SERPINB10: variants seen among roughly 807,000 people sequenced by gnomAD.
The protein encoded by SERPINB10 is serpin B10.
SERPINB10 carries 35 observed loss-of-function variants against 39.1 expected under a neutral mutation model. The ratio of observed to expected loss-of-function variants is 0.90; its 90% CI spans 0.68 to 1.19. SERPINB10 has a LOEUF of 1.19. SERPINB10 is among the 50% of genes most tolerant of loss of function. SERPINB10 has a pLI of 0.00. For synonymous variants in SERPINB10, 190 were observed against 158.1 expected (o/e 1.20, Z -1.52); for missense variants, 546 against 460.5 (o/e 1.19, Z -1.70).
chr18:63,925,303 G>A (rs898562207), intron 5 of SERPINB10, among the ~76,000 whole-genome samples: 2 of 151,922 alleles, frequency 1.3e-5, no homozygotes, highest in Non-Finnish European at 2.9e-5. Flanking sequence ...TTTGCTGAGA[G>A]GATCTGGAAG....
Position 63,929,274 on chromosome 18 carries a change from T to G in SERPINB10, c.491-771T>G, listed in dbSNP as rs191847832. On this transcript the variant is annotated intron_variant, in intron 5 of 7. Coordinates refer to ENST00000238508, the MANE Select transcript of SERPINB10 (RefSeq NM_005024.3). ...CATATGAATTAATTTTCAAGAGTAT[T>G]TATTTTATTTTTTTGTTAGAAATTT... is the stretch of plus-strand genomic sequence containing the variant. Among the ~76,000 whole-genome samples the G allele has an allele frequency of 7.4e-3, 1,125 of 152,302 alleles. 9 individuals carry two copies. Among genetic ancestry groups the G allele is most frequent in the African/African-American group, 0.025 (1,034 of 41,570 alleles).
At chr18:63,929,915 C>T (rs946005896) in intron 5 of SERPINB10, 130 bp from the exon 6 acceptor site, 44 of 891,916 alleles carry the variant, frequency 4.9e-5, no homozygotes, top group Non-Finnish European at 5.9e-5. Context: ...TTGTCCATTT[C>T]CAGAAAATCA....
chr18:63,919,230 G>A (rs1481327995), intron 4 of SERPINB10, among the ~76,000 whole-genome samples: 1 of 124,930 alleles, frequency 8.0e-6, no homozygotes, highest in Non-Finnish European at 1.6e-5. Flanking sequence ...AGGAGGTGAA[G>A]GCCTCATTTT....
intron 5 of SERPINB10, among the ~76,000 whole-genome samples, chr18:63,926,570 C>T (rs1483799646): frequency 6.6e-6 from 1 of 151,994 alleles, no homozygotes; most frequent in Non-Finnish European, 1.5e-5. Context: ...GATTAAACAT[C>T]AGACAAACCT....
intron 1 of SERPINB10, among the ~76,000 whole-genome samples, chr18:63,910,139 A>C (rs1009026302): frequency 1.3e-5 from 2 of 152,084 alleles, no homozygotes; most frequent in South Asian, 2.1e-4. Flanking sequence ...TGCCTCTCTC[A>C]TGATTAAGTT....
At chr18:63,923,074 C>T (rs2050157546) in intron 5 of SERPINB10, among the ~76,000 whole-genome samples, 2 of 151,860 alleles carry the variant, frequency 1.3e-5, no homozygotes, top group African/African-American at 2.4e-5. Context: ...TGTTATCATA[C>T]CACTGGTCAA....
intron 5 of SERPINB10, among the ~76,000 whole-genome samples, chr18:63,921,116 T>C (rs932292845): frequency 1.3e-5 from 2 of 151,998 alleles, no homozygotes; most frequent in Non-Finnish European, 1.5e-5. Context: ...TTATATCTTA[T>C]GAAGAAATAC....
chr18:63,917,689 G>T (rs2050114103), intron 3 of SERPINB10, among the ~76,000 whole-genome samples, 168 bp downstream of exon 3: 1 of 151,902 alleles, frequency 6.6e-6, no homozygotes, highest in South Asian at 2.1e-4. Context: ...CCTTTTGAAA[G>T]ATCTCTTGTC....
intron 1 of SERPINB10, among the ~76,000 whole-genome samples, chr18:63,908,881 A>G (rs2050044398): frequency 6.6e-6 from 1 of 151,982 alleles, no homozygotes; most frequent in Non-Finnish European, 1.5e-5. Context: ...CCATCATGTA[A>G]TCTCTCTCTT....
At chr18:63,926,729 G>T (rs949729548) in intron 5 of SERPINB10, among the ~76,000 whole-genome samples, 4 of 151,990 alleles carry the variant, frequency 2.6e-5, no homozygotes, top group Admixed American at 6.6e-5. Context: ...GCAAGGTCTT[G>T]TATTGATTTC....
At chr18:63,918,230 A>C (rs1449837022) in intron 4 of SERPINB10, 128 bp downstream of exon 4, 6 of 900,592 alleles carry the variant, frequency 6.7e-6, no homozygotes, top group Non-Finnish European at 1.0e-5. Context: ...CCCTGCAAAC[A>C]ATCAATTAGA....
chr18:63,914,480 G>A (rs1053303895), intron 1 of SERPINB10, among the ~76,000 whole-genome samples: 4 of 152,004 alleles, frequency 2.6e-5, no homozygotes, highest in Non-Finnish European at 4.4e-5. Flanking sequence ...TGGTTAAATC[G>A]TTTAACTTAT....
intron 5 of SERPINB10, among the ~76,000 whole-genome samples, 160 bp from the exon 6 acceptor site, chr18:63,929,885 A>C (rs779056215): frequency 6.6e-6 from 1 of 152,138 alleles, no homozygotes; most frequent in Non-Finnish European, 1.5e-5. Flanking sequence ...CACAGCAGCT[A>C]TTCTGGACAG....
intron 3 of SERPINB10, 65 bp downstream of exon 3, chr18:63,917,586 T>C (rs866003332): frequency 1.1e-6 from 1 of 939,864 alleles, no homozygotes; most frequent in Non-Finnish European, 1.5e-6. Context: ...ACATGTATTT[T>C]AGTGATAACT....
chr18:63,909,553 T>A (rs1484822203), intron 1 of SERPINB10, among the ~76,000 whole-genome samples: 1 of 152,058 alleles, frequency 6.6e-6, no homozygotes, highest in Non-Finnish European at 1.5e-5. Context: ...CAACTAAATA[T>A]TAAGCTTACA....
At chr18:63,934,779 C>T (rs1241231649) in intron 7 of SERPINB10, 59 bp from the exon 8 acceptor site, 3 of 1,531,564 alleles carry the variant, frequency 2.0e-6, no homozygotes, top group African/African-American at 2.8e-5. Flanking sequence ...CTCTCTACTA[C>T]TGTTTTTCAT....
chr18:63,922,064 A>G (rs1022959272), intron 5 of SERPINB10, among the ~76,000 whole-genome samples: 4 of 151,888 alleles, frequency 2.6e-5, no homozygotes, highest in African/African-American at 7.3e-5. Context: ...CTGCTTATAC[A>G]TCTATGTCCC....
chr18:63,913,402 G>A (rs375836746), intron 1 of SERPINB10, among the ~76,000 whole-genome samples: 7 of 152,020 alleles, frequency 4.6e-5, no homozygotes, highest in Admixed American at 1.3e-4. Flanking sequence ...ACTTTTTAAG[G>A]TAGGCATTTA....
At chr18:63,924,463 C>T (rs535649787) in intron 5 of SERPINB10, among the ~76,000 whole-genome samples, 2 of 152,002 alleles carry the variant, frequency 1.3e-5, no homozygotes, top group Admixed American at 6.6e-5. Context: ...GACTCTCAAT[C>T]GTGGCAACAT....
Sources: gnomAD v4.1 joint callset for allele counts (sites outside exome capture counted in the v4.1 genomes callset) on GRCh38, gnomAD v4.1.1 for gene constraint, MANE v1.5 for transcripts, NCBI Gene and HGNC (gene_info 2026-07-23, HGNC 2026-07-21) for gene names.